The following MEIS2 variants were observed in gnomAD, a reference collection of about 807,000 sequenced individuals.
The protein encoded by MEIS2 is Meis homeobox 2, also known as homeobox protein Meis2.
MEIS2 carries 9 observed loss-of-function variants against 58.6 expected under a neutral mutation model. That is an observed-to-expected ratio of 0.15 (90% confidence interval 0.09 to 0.27). The LOEUF is 0.27. MEIS2 is among the 10% of genes least tolerant of loss of function. MEIS2 has a pLI of 1.00. For synonymous variants in MEIS2, 221 were observed against 228.4 expected (o/e 0.97, Z 0.29); for missense variants, 427 against 635.0 (o/e 0.67, Z 3.52).
At chr15:37,090,940 G>A (rs924452368) in intron 6 of MEIS2, among the ~76,000 whole-genome samples, 9 of 152,122 alleles carry the variant, frequency 5.9e-5, no homozygotes, top group African/African-American at 1.4e-4. Context: ...AAAACAACGC[G>A]CTGTCTGGGC....
intron 9 of MEIS2, among the ~76,000 whole-genome samples, chr15:36,943,318 C>A (rs1256184871): frequency 6.6e-6 from 1 of 152,086 alleles, no homozygotes; most frequent in Non-Finnish European, 1.5e-5. Context: ...TGTCTCCCAT[C>A]CAAATACTGG....
At chr15:37,040,317 T>C (rs577513991) in intron 7 of MEIS2, among the ~76,000 whole-genome samples, 1 of 152,300 alleles carries the variant, frequency 6.6e-6, no homozygotes, top group South Asian at 2.1e-4. Context: ...TCAGAACACA[T>C]AACCAGTGAT....
intron 8 of MEIS2, among the ~76,000 whole-genome samples, chr15:37,001,482 A>G (rs1219551963): frequency 6.6e-6 from 1 of 152,190 alleles, no homozygotes; most frequent in Non-Finnish European, 1.5e-5. Flanking sequence ...CTGGCATTCT[A>G]ATATAGTCAG....
At chr15:37,062,561 C>T (rs1889363760) in intron 7 of MEIS2, among the ~76,000 whole-genome samples, 1 of 152,084 alleles carries the variant, frequency 6.6e-6, no homozygotes, top group Admixed American at 6.6e-5. Flanking sequence ...GTGATCTTGT[C>T]CTACGATCAT....
intron 7 of MEIS2, among the ~76,000 whole-genome samples, chr15:37,074,395 A>T (rs1891101076): frequency 6.6e-6 from 1 of 152,160 alleles, no homozygotes; most frequent in East Asian, 1.9e-4. Flanking sequence ...CAAAAAAATT[A>T]AAAAGTTCAT....
intron 8 of MEIS2, among the ~76,000 whole-genome samples, chr15:36,951,063 C>T (rs1478270394): frequency 6.6e-6 from 1 of 152,130 alleles, no homozygotes; most frequent in Non-Finnish European, 1.5e-5. Context: ...ATGTGCAATA[C>T]TTCATATAGA....
At chr15:36,899,421 T>A (rs2056355722) in intron 9 of MEIS2, among the ~76,000 whole-genome samples, 1 of 152,266 alleles carries the variant, frequency 6.6e-6, no homozygotes, top group Non-Finnish European at 1.5e-5. Flanking sequence ...CTGACATACA[T>A]AACATGGAGC....
At chr15:37,064,992 G>C (rs749816222) in intron 7 of MEIS2, among the ~76,000 whole-genome samples, 3 of 152,106 alleles carry the variant, frequency 2.0e-5, no homozygotes, top group Non-Finnish European at 4.4e-5. Flanking sequence ...TTGAACATAG[G>C]ATACTACGTG....
intron 9 of MEIS2, among the ~76,000 whole-genome samples, chr15:36,939,549 T>G (rs1790195625): frequency 6.8e-6 from 1 of 147,818 alleles, no homozygotes; most frequent in Admixed American, 6.7e-5. Context: ...GGTCCTTATT[T>G]TTTTTTTTTA....
At chr15:37,008,855 A>T (rs537589806) in intron 8 of MEIS2, among the ~76,000 whole-genome samples, 1 of 152,336 alleles carries the variant, frequency 6.6e-6, no homozygotes, top group Non-Finnish European at 1.5e-5. Context: ...TTAGGTATAA[A>T]GGAGAATTTT....
chr15:36,914,805 C>T (rs1264318834), intron 9 of MEIS2, among the ~76,000 whole-genome samples: 1 of 152,058 alleles, frequency 6.6e-6, no homozygotes, highest in Non-Finnish European at 1.5e-5. Context: ...CAGCAACACA[C>T]TCTTTCGCAG....
At chr15:37,043,841 C>G (rs1368534086) in intron 7 of MEIS2, among the ~76,000 whole-genome samples, 1 of 152,076 alleles carries the variant, frequency 6.6e-6, no homozygotes, top group Non-Finnish European at 1.5e-5. Flanking sequence ...GCGCGTGCCA[C>G]CACGCCCAGT....
chr15:36,994,836 A>T (rs2060418333), intron 8 of MEIS2, among the ~76,000 whole-genome samples: 1 of 152,206 alleles, frequency 6.6e-6, no homozygotes. Context: ...TTACATGAAT[A>T]ATATCCACCA....
intron 8 of MEIS2, among the ~76,000 whole-genome samples, chr15:36,966,653 C>G (rs950952198): frequency 3.9e-5 from 6 of 152,172 alleles, no homozygotes; most frequent in Non-Finnish European, 8.8e-5. Flanking sequence ...GTGCCAGGCA[C>G]TGTTACAGGA....
At chr15:37,093,504 A>T (rs1893813056) in intron 6 of MEIS2, 77 bp downstream of exon 6, 5 of 1,529,390 alleles carry the variant, frequency 3.3e-6, no homozygotes, top group Non-Finnish European at 4.4e-6. Flanking sequence ...AAATCAGTGG[A>T]GCTAGATGTT....
intron 8 of MEIS2, among the ~76,000 whole-genome samples, chr15:37,025,731 T>C (rs913083797): frequency 2.6e-5 from 4 of 151,026 alleles, no homozygotes; most frequent in Non-Finnish European, 5.9e-5. Flanking sequence ...CATGAAATCA[T>C]TTTTCTGTCA....
intron 2 of MEIS2, 30 bp downstream of exon 2, chr15:37,097,937 C>G: frequency 1.3e-6 from 2 of 1,563,664 alleles, no homozygotes; most frequent in Non-Finnish European, 1.7e-6. Context: ...CACTCACACA[C>G]AGTAAGCTGG....
intron 8 of MEIS2, among the ~76,000 whole-genome samples, chr15:36,980,021 T>C (rs1051222980): frequency 2.0e-5 from 3 of 151,758 alleles, no homozygotes; most frequent in African/African-American, 7.2e-5. Flanking sequence ...AGAATATTTA[T>C]GAAAAAGATA....
chr15:37,012,308 G>A (rs1171699410), intron 8 of MEIS2, among the ~76,000 whole-genome samples: 1 of 152,204 alleles, frequency 6.6e-6, no homozygotes, highest in African/African-American at 2.4e-5. Context: ...ACATCTCCTT[G>A]TTCCTCAGTC....
Sources: allele counts gnomAD v4.1 joint callset (sites outside exome capture counted in the v4.1 genomes callset), GRCh38; gene constraint gnomAD v4.1.1; transcripts MANE v1.5; gene names NCBI Gene and HGNC (gene_info 2026-07-23, HGNC 2026-07-21).